YTHDF3: variants seen among roughly 807,000 people sequenced by gnomAD.
YTHDF3 encodes the protein YTH N6-methyladenosine RNA binding protein F3.
In YTHDF3, 9 loss-of-function variants were observed where a neutral mutation model predicts 52.5. That is an observed-to-expected ratio of 0.17 (90% CI 0.10 to 0.30). The LOEUF is 0.30. Ranked by LOEUF, YTHDF3 falls within the 10% of genes least tolerant of loss-of-function variation. The probability of loss-of-function intolerance (pLI) is 1.00; values close to 1 mark genes in which losing one functional copy is unlikely to be tolerated. For synonymous variants in YTHDF3, 274 were observed against 243.3 expected (o/e 1.13, Z -1.18); for missense variants, 534 against 715.0 (o/e 0.75, Z 2.89).
intron 2 of YTHDF3, among the ~76,000 whole-genome samples, chr8:63,173,904 G>A (rs1807512999): frequency 6.6e-6 from 1 of 152,132 alleles, no homozygotes; most frequent in Admixed American, 6.6e-5. Flanking sequence ...GCTTCTTGTG[G>A]CCTCTGAGGG....
chr8:63,193,775 G>A (rs1352414496), intron 4 of YTHDF3, among the ~76,000 whole-genome samples: 1 of 152,150 alleles, frequency 6.6e-6, no homozygotes, highest in African/African-American at 2.4e-5. Context: ...ACTACAGTGA[G>A]AATATTTTAT....
At chr8:63,198,859 A>G (rs1809407529) in intron 4 of YTHDF3, among the ~76,000 whole-genome samples, 1 of 152,186 alleles carries the variant, frequency 6.6e-6, no homozygotes, top group African/African-American at 2.4e-5. Context: ...CAAATTTAAT[A>G]TATAAAATCT....
intron 4 of YTHDF3, among the ~76,000 whole-genome samples, chr8:63,194,699 A>G (rs151208683): frequency 5.6e-4 from 85 of 152,232 alleles, no homozygotes; most frequent in Middle Eastern, 6.8e-3. Flanking sequence ...GCATAACCAC[A>G]ATATTCTGTC....
chr8:63,191,040 G>A (rs1808879840), intron 4 of YTHDF3, among the ~76,000 whole-genome samples: 2 of 152,120 alleles, frequency 1.3e-5, no homozygotes, highest in Admixed American at 6.5e-5. Flanking sequence ...CTAGTCAACA[G>A]CCTTTTCACT....
chr8:63,201,141 T>G (rs909608602), intron 4 of YTHDF3, among the ~76,000 whole-genome samples: 9 of 152,214 alleles, frequency 5.9e-5, no homozygotes, highest in African/African-American at 2.2e-4. Flanking sequence ...AAATTAGATA[T>G]GTTGAAGTGT....
At chr8:63,171,038 G>T (rs180883805) in intron 2 of YTHDF3, among the ~76,000 whole-genome samples, 31 of 152,240 alleles carry the variant, frequency 2.0e-4, no homozygotes, top group Middle Eastern at 3.4e-3. Flanking sequence ...TTATCCATCA[G>T]TATCGCTTCT....
At chr8:63,190,159 G>A (rs1808823067) in intron 4 of YTHDF3, among the ~76,000 whole-genome samples, 1 of 152,158 alleles carries the variant, frequency 6.6e-6, no homozygotes, top group Non-Finnish European at 1.5e-5. Context: ...TTAGATGTCC[G>A]AGTCACAGAT....
intron 4 of YTHDF3, among the ~76,000 whole-genome samples, chr8:63,208,392 A>G (rs954809965): frequency 1.3e-5 from 2 of 152,230 alleles, no homozygotes; most frequent in African/African-American, 2.4e-5. Flanking sequence ...TTGTTACAGA[A>G]CATGTTTTAC....
Position 63,174,618 on chromosome 8 carries a change from G to C in YTHDF3, c.50-713G>C, listed in dbSNP as rs538763425. Among the ~76,000 whole-genome samples, 35 of 152,294 alleles carry C rather than the reference G, an allele frequency of 2.3e-4. No individual in the cohort carries two copies. The South Asian group carries it at 7.0e-3, about 31-fold the overall frequency. ...GAATAACAACTTTAGAGTGTTTATG[G>C]AGATGACCTTTGAACAAAATTATTC... On this transcript the variant is annotated intron_variant, in intron 2 of 4. Transcript: ENST00000539294.
chr8:63,179,698 A>G (rs1014101801), intron 3 of YTHDF3, among the ~76,000 whole-genome samples: 5 of 152,088 alleles, frequency 3.3e-5, no homozygotes, highest in African/African-American at 4.8e-5. Flanking sequence ...CAAAACCGCC[A>G]TCGCCATCAT....
intron 4 of YTHDF3, among the ~76,000 whole-genome samples, chr8:63,204,034 T>C (rs1204576559): frequency 6.6e-6 from 1 of 152,336 alleles, no homozygotes; most frequent in Middle Eastern, 3.4e-3. Flanking sequence ...AGTCATGCAC[T>C]GTGCAGCCCA....
Position 63,172,409 on chromosome 8 carries a change from G to A in YTHDF3, c.50-2922G>A, listed in dbSNP as rs184246765. Among the ~76,000 whole-genome samples, 3 of 152,150 alleles carry A rather than the reference G, an allele frequency of 2.0e-5. No homozygotes were observed. The East Asian group carries it at 5.8e-4, about 29-fold the overall frequency. On this transcript the variant is annotated intron_variant, in intron 2 of 4. Transcript: ENST00000539294. ...CTCCGCTCTCTTCCAACGGAGAGAC[G>A]TATGCATTGTTTTATACAACTGTAA...
At position 63,180,730 on chromosome 8, in the gene YTHDF3, G is replaced by A. The variant is rs571369156; in HGVS notation, c.135+5314G>A. Among the ~76,000 whole-genome samples the A allele has an allele frequency of 4.6e-5, 7 of 152,358 alleles. No homozygotes were observed. The East Asian group carries it at 7.7e-4, about 17-fold the overall frequency. On this transcript the variant is annotated intron_variant, in intron 3 of 4. Transcript: ENST00000539294. ...ACTCCGTCTGCAATCCTGGCACCTC[G>A]GGAGGCCGAGGCTGGCGGATCACTC...
At chr8:63,187,887 A>G (rs1253623834) in intron 4 of YTHDF3, 142 bp downstream of exon 4, 2 of 939,216 alleles carry the variant, frequency 2.1e-6, no homozygotes, top group East Asian at 2.6e-5. Context: ...GAAGGTATCT[A>G]TGTGTGTCCT....
At chr8:63,209,583 G>T in intron 4 of YTHDF3, 100 bp from the exon 5 acceptor site, 1 of 1,158,808 alleles carries the variant, frequency 8.6e-7, no homozygotes, top group South Asian at 1.5e-5. Flanking sequence ...AACTTTATAT[G>T]GAGATGATTT....
intron 3 of YTHDF3, among the ~76,000 whole-genome samples, chr8:63,185,921 A>G (rs768239058): frequency 3.9e-5 from 6 of 152,254 alleles, no homozygotes; most frequent in Non-Finnish European, 8.8e-5. Context: ...CATCCCTGAA[A>G]AAAGCCATAT....
At chr8:63,190,007 G>T (rs971672719) in intron 4 of YTHDF3, among the ~76,000 whole-genome samples, 2 of 152,174 alleles carry the variant, frequency 1.3e-5, no homozygotes, top group African/African-American at 2.4e-5. Context: ...TGGTCATATT[G>T]TAACTGCCAT....
chr8:63,193,856 C>T (rs1291937883), intron 4 of YTHDF3, among the ~76,000 whole-genome samples: 3 of 152,080 alleles, frequency 2.0e-5, no homozygotes, highest in East Asian at 1.9e-4. Context: ...TCAACAAGAC[C>T]TCTTACACAG....
intron 2 of YTHDF3, among the ~76,000 whole-genome samples, chr8:63,170,198 G>C (rs1199704183): frequency 3.9e-5 from 6 of 152,130 alleles, no homozygotes. Flanking sequence ...AATAACATCA[G>C]AGCAAATTAT....
Sources: allele counts gnomAD v4.1 joint callset (sites outside exome capture counted in the v4.1 genomes callset), GRCh38; gene constraint gnomAD v4.1.1; transcripts MANE v1.5; gene names NCBI Gene and HGNC (gene_info 2026-07-23, HGNC 2026-07-21).